SOX5: variants seen among roughly 807,000 people sequenced by gnomAD.
SOX5 encodes the protein SRY-box transcription factor 5, also known as transcription factor SOX-5.
SOX5 carries 9 observed loss-of-function variants against 92.0 expected under a neutral mutation model. The observed-to-expected ratio is 0.10, with a 90% CI of 0.06 to 0.17. The LOEUF is 0.17. Among genes scored for constraint, SOX5 ranks in the 10% least tolerant of loss-of-function variants. The probability of loss-of-function intolerance (pLI) is 1.00; values close to 1 mark genes in which losing one functional copy is unlikely to be tolerated. For missense variants in SOX5, 642 were observed against 944.5 expected (o/e 0.68, Z 4.20); for synonymous variants, 344 against 336.3 (o/e 1.02, Z -0.25).
chr12:24,121,906 A>T (rs1464676369), intron 4 of SOX5, among the ~76,000 whole-genome samples: 2 of 151,254 alleles, frequency 1.3e-5, no homozygotes, highest in Non-Finnish European at 3.0e-5. Flanking sequence ...AAAAAAAAAA[A>T]AAAAGGGATG....
At chr12:23,868,847 T>C (rs2096843080) in intron 2 of SOX5, among the ~76,000 whole-genome samples, 1 of 152,110 alleles carries the variant, frequency 6.6e-6, no homozygotes, top group African/African-American at 2.4e-5. Context: ...ATTGAGTTCA[T>C]GAGATAGGAT....
chr12:24,019,000 G>A (rs1953991730), intron 4 of SOX5, among the ~76,000 whole-genome samples: 1 of 151,774 alleles, frequency 6.6e-6, no homozygotes, highest in South Asian at 2.1e-4. Flanking sequence ...TTTTTTGAGG[G>A]TCTCACTCTG....
At chr12:24,250,524 GA>G (rs950587914) in intron 3 of SOX5, among the ~76,000 whole-genome samples, 2 of 152,220 alleles carry the variant, frequency 1.3e-5, no homozygotes, top group East Asian at 1.9e-4. Flanking sequence ...CAGATTTGCT[GA>G]AAGGTTCAGC....
chr12:24,277,402 T>C (rs1471679093), intron 2 of SOX5: 1 of 107,354 alleles, frequency 9.3e-6, no homozygotes, highest in East Asian at 2.3e-4. Context: ...ATGTGTAAGG[T>C]TTTCAAAAGA....
At chr12:24,071,143 T>C (rs1941710818) in intron 4 of SOX5, among the ~76,000 whole-genome samples, 1 of 152,222 alleles carries the variant, frequency 6.6e-6, no homozygotes, top group Non-Finnish European at 1.5e-5. Flanking sequence ...TCTGCATTTA[T>C]TATACTTAAA....
intron 4 of SOX5, among the ~76,000 whole-genome samples, chr12:24,021,061 G>A (rs556359265): frequency 6.6e-6 from 1 of 152,292 alleles, no homozygotes; most frequent in South Asian, 2.1e-4. Flanking sequence ...AACCACCACA[G>A]GAGCGAGTGA....
chr12:23,920,309 ATTGT>A (rs1166074375), intron 1 of SOX5: 1 of 152,164 alleles, frequency 6.6e-6, no homozygotes, highest in Non-Finnish European at 1.5e-5. Flanking sequence ...ATTCTAAGAT[ATTGT>A]TTGTATTTCA....
intron 2 of SOX5, among the ~76,000 whole-genome samples, chr12:23,872,146 C>T (rs1443431976): frequency 3.5e-4 from 50 of 142,802 alleles, no homozygotes; most frequent in East Asian, 8.2e-4. Context: ...TACAGGCGCC[C>T]GCCACCACGC....
At chr12:24,526,639 C>A (rs889529268) in intron 1 of SOX5, among the ~76,000 whole-genome samples, 1 of 152,014 alleles carries the variant, frequency 6.6e-6, no homozygotes, top group Non-Finnish European at 1.5e-5. Flanking sequence ...CTCCCCCAAC[C>A]ACAACAAGCC....
At chr12:24,111,902 T>C (rs560073478) in intron 4 of SOX5, among the ~76,000 whole-genome samples, 1 of 152,326 alleles carries the variant, frequency 6.6e-6, no homozygotes, top group East Asian at 1.9e-4. Flanking sequence ...TTCTCTACAT[T>C]CCTTCTTAAT....
At chr12:24,196,619 T>C (rs1039541283) in intron 4 of SOX5, among the ~76,000 whole-genome samples, 2 of 152,022 alleles carry the variant, frequency 1.3e-5, no homozygotes, top group African/African-American at 2.4e-5. Context: ...ATTCAAACTT[T>C]AGGGCCAGGC....
At chr12:24,401,708 T>TTAAAAAAAAAAAAA (rs1566077419) in intron 1 of SOX5, among the ~76,000 whole-genome samples, 3 of 99,462 alleles carry the variant, frequency 3.0e-5, no homozygotes, top group African/African-American at 1.2e-4. Flanking sequence ...ACCCTATCTT[T>TTAAAAAAAAAAAAA]AAAAAAAAAA....
chr12:23,903,493 G>C (rs1159598177), intron 1 of SOX5, among the ~76,000 whole-genome samples: 1 of 152,168 alleles, frequency 6.6e-6, no homozygotes, highest in African/African-American at 2.4e-5. Context: ...CTGAGGTGGA[G>C]GATTGCTTGA....
chr12:24,296,260 G>A (rs905710036), intron 2 of SOX5, among the ~76,000 whole-genome samples: 4 of 152,284 alleles, frequency 2.6e-5, no homozygotes, highest in African/African-American at 9.6e-5. Flanking sequence ...CATTTCTCAT[G>A]AATGTTTCAG....
intron 4 of SOX5, among the ~76,000 whole-genome samples, chr12:24,198,223 C>G (rs1053071248): frequency 6.9e-6 from 1 of 144,064 alleles, no homozygotes. Flanking sequence ...AAAATGAGAA[C>G]AGAAACAATT....
At chr12:24,409,799 T>A (rs1237973454) in intron 1 of SOX5, among the ~76,000 whole-genome samples, 1 of 152,224 alleles carries the variant, frequency 6.6e-6, no homozygotes, top group Non-Finnish European at 1.5e-5. Context: ...GTATATCTTC[T>A]CCCAAGAAAT....
intron 1 of SOX5, among the ~76,000 whole-genome samples, chr12:24,447,902 C>T (rs964634747): frequency 1.6e-4 from 24 of 152,012 alleles, no homozygotes; most frequent in African/African-American, 5.8e-4. Context: ...TAAGTGTGGC[C>T]GGGCGTGGTG....
At chr12:24,091,479 G>C (rs1218714988) in intron 4 of SOX5, among the ~76,000 whole-genome samples, 1 of 143,660 alleles carries the variant, frequency 7.0e-6, no homozygotes, top group South Asian at 2.2e-4. Flanking sequence ...GCCTAGGCTG[G>C]AGTGCAGTGG....
At position 23,550,392 on chromosome 12, in the gene SOX5, T is replaced by G. The variant is rs552836912; in HGVS notation, c.1489-3968A>C. ...CCCAGAATCCTAATTTGTAAAATGA[T>G]AGTTAAACATGTGTTAGATTCTCAT... On this transcript the variant is annotated intron_variant, in intron 11 of 14. Coordinates refer to ENST00000451604, the MANE Select transcript of SOX5 (RefSeq NM_006940.6). Among the ~76,000 whole-genome samples, 124 of 152,070 alleles carry G rather than the reference T, an allele frequency of 8.2e-4. 3 individuals carry two copies. In the South Asian group the frequency reaches 0.02, roughly 25 times the overall value.
Sources: allele counts gnomAD v4.1 joint callset (sites outside exome capture counted in the v4.1 genomes callset), GRCh38; gene constraint gnomAD v4.1.1; transcripts MANE v1.5; gene names NCBI Gene and HGNC (gene_info 2026-07-23, HGNC 2026-07-21).